Variants in ZCCHC2 observed in about 807,000 individuals in gnomAD.
ZCCHC2 encodes the protein zinc finger CCHC domain-containing protein 2.
In ZCCHC2, 39 loss-of-function variants were observed where a neutral mutation model predicts 103.6. That is an observed-to-expected ratio of 0.38 (90% CI 0.29 to 0.49). The LOEUF (loss-of-function observed/expected upper bound fraction) is 0.49. Ranked by LOEUF, ZCCHC2 falls within the 20% of genes least tolerant of loss-of-function variation. ZCCHC2 has a pLI of 0.96. For missense variants in ZCCHC2, 1,483 were observed against 1,491.0 expected (o/e 0.99, Z 0.09); for synonymous variants, 687 against 608.9 (o/e 1.13, Z -1.89).
intron 4 of ZCCHC2, 44 bp downstream of exon 4, chr18:62,544,917 A>C (rs1164764975): frequency 2.1e-6 from 3 of 1,443,426 alleles, no homozygotes; most frequent in African/African-American, 3.0e-5. Flanking sequence ...TATATAATAT[A>C]CAGAATCCAG....
rs1167824218 is a variant in ZCCHC2, at chr18:62,523,733, G to A, written c.309G>A (p.Gly103=). Residue 103 remains glycine (G), a synonymous_variant, in exon 1 of 14, where the codon GGG becomes GGA. Coordinates refer to ENST00000269499, the MANE Select transcript of ZCCHC2 (RefSeq NM_017742.6). ...AGGAGCGGGTATACGAGTGGTTCGGGCTGGTGCTGGGCTCGGCGCAGCGCC... is the reference window on the plus strand; with the variant it reads ...AGGAGCGGGTATACGAGTGGTTCGGACTGGTGCTGGGCTCGGCGCAGCGCC... ...REQERVYEWF[G]LVLGSAQRLE... 1.4e-5 allele frequency: 21 copies of A among 1,525,328 alleles called. 1 individual carries two copies. The highest frequency in any genetic ancestry group is 9.6e-5 in the South Asian group (8 of 83,250). 94.5% of individuals were successfully genotyped at this position (1,525,328 alleles called of 1,614,324 possible). A position where few individuals can be genotyped will look rare whatever the true frequency, so the allele number is the denominator to read the frequency against.
In ZCCHC2 at chr18:62,560,572, T is replaced by C. The variant is rs763744299; in HGVS notation, c.1493-15T>C. On this transcript the variant is annotated splice_polypyrimidine_tract_variant and intron_variant, in intron 7 of 13. Transcript: ENST00000269499. Reference sequence around the variant, plus strand: ...CAGCATTTAGTGTAATAAGTTACTTTTTCCTCTCTTCTAGATGTGTTGCAG... The same window carrying C: ...CAGCATTTAGTGTAATAAGTTACTTCTTCCTCTCTTCTAGATGTGTTGCAG... The C allele has an allele frequency of 1.2e-6, 2 of 1,610,636 alleles. No individual in the cohort carries two copies. The highest frequency in any genetic ancestry group is 2.2e-5 in the South Asian group (2 of 90,538).
intron 1 of ZCCHC2, among the ~76,000 whole-genome samples, chr18:62,534,306 T>C (rs1384948562): frequency 8.8e-6 from 1 of 114,222 alleles, no homozygotes; most frequent in Non-Finnish European, 1.7e-5. Flanking sequence ...AGGGAGATCC[T>C]GTCTTAAAAA....
Position 62,523,376 on chromosome 18 carries a change from G to GGGGGGGGCCCCCCC in ZCCHC2, c.-49_-48insGGGGGGGCCCCCCC. Reference sequence around the variant, plus strand: ...GCCTCGGCCCGTGCTCCACCTCGCGGCCCCTCCCGCCCGCCCCCGCTCGCA... The same window carrying GGGGGGGGCCCCCCC: ...GCCTCGGCCCGTGCTCCACCTCGCGGGGGGGGGCCCCCCCCCCCTCCCGCCCGCCCCCGCTCGCA... On this transcript the variant is annotated 5_prime_UTR_variant, in exon 1 of 14. Coordinates refer to ENST00000269499, the MANE Select transcript of ZCCHC2 (RefSeq NM_017742.6). The GGGGGGGGCCCCCCC allele has an allele frequency of 9.9e-7, 1 of 1,012,356 alleles. No homozygotes were observed. The highest frequency in any genetic ancestry group is 1.2e-6 in the Non-Finnish European group (1 of 848,992). The allele number at this position is 1,012,356 out of a possible 1,614,324, so 62.7% of individuals were successfully genotyped here.
intron 1 of ZCCHC2, among the ~76,000 whole-genome samples, chr18:62,537,542 CTTTT>C (rs1485535180): frequency 6.6e-6 from 1 of 152,126 alleles, no homozygotes; most frequent in African/African-American, 2.4e-5. Context: ...TGTATTTGTT[CTTTT>C]GTGTCTGGCT....
intron 6 of ZCCHC2, among the ~76,000 whole-genome samples, chr18:62,558,310 G>T (rs568811011): frequency 7.7e-4 from 117 of 152,278 alleles, no homozygotes; most frequent in Admixed American, 2.7e-3. Context: ...TTATTTTATT[G>T]TATTTTACAA....
At chr18:62,543,869 A>G (rs1229767519) in intron 3 of ZCCHC2, among the ~76,000 whole-genome samples, 2 of 90,480 alleles carry the variant, frequency 2.2e-5, no homozygotes, top group East Asian at 6.8e-4. Context: ...CCCTGACACA[A>G]GAGTCAGAAC....
intron 1 of ZCCHC2, 45 bp from the exon 2 acceptor site, chr18:62,539,636 T>G (rs758293994): frequency 6.7e-7 from 1 of 1,491,202 alleles, no homozygotes; most frequent in African/African-American, 1.4e-5. Flanking sequence ...ATTATTACTC[T>G]TAGTCCATGG....
intron 1 of ZCCHC2, among the ~76,000 whole-genome samples, chr18:62,535,173 C>T (rs897118876): frequency 2.0e-5 from 3 of 152,174 alleles, no homozygotes; most frequent in African/African-American, 4.8e-5. Flanking sequence ...AGGAGATGTG[C>T]GCTTCTCTAG....
chr18:62,529,323 C>G lies in ZCCHC2; in HGVS notation c.939+4960C>G, dbSNP rs1598927101. Among the ~76,000 whole-genome samples, 7 of 152,234 alleles carry G rather than the reference C, an allele frequency of 4.6e-5. No homozygotes were observed. In the South Asian group the frequency reaches 1.5e-3, roughly 32 times the overall value. ...GGCAGTGGGTGCTGACTGAGGCTTC[C>G]CTCCCGCCACTCTGGGAGTGTTAGG... On this transcript the variant is annotated intron_variant, in intron 1 of 13. Coordinates refer to ENST00000269499, the MANE Select transcript of ZCCHC2 (RefSeq NM_017742.6).
At chr18:62,568,781 A>G (rs527548238) in intron 11 of ZCCHC2, among the ~76,000 whole-genome samples, 23 of 152,202 alleles carry the variant, frequency 1.5e-4, no homozygotes, top group Non-Finnish European at 2.5e-4. Flanking sequence ...TCATTTTGTT[A>G]TATGCTGGTT....
chr18:62,549,916 G>A (rs915328964), intron 4 of ZCCHC2, among the ~76,000 whole-genome samples: 1 of 152,224 alleles, frequency 6.6e-6, no homozygotes, highest in African/African-American at 2.4e-5. Flanking sequence ...AGGCACAAAA[G>A]TGCTAAGTGC....
chr18:62,542,673 AT>A, intron 3 of ZCCHC2, 99 bp downstream of exon 3: 1 of 1,028,534 alleles, frequency 9.7e-7, no homozygotes, highest in Non-Finnish European at 1.4e-6. Flanking sequence ...AAAGGTATAT[AT>A]GTTTGTTTTT....
In ZCCHC2 at chr18:62,549,087, C is replaced by T. The variant is rs186210815; in HGVS notation, c.1201-1261C>T. Among the ~76,000 whole-genome samples, 94 of 142,702 alleles carry T rather than the reference C, an allele frequency of 6.6e-4. 1 individual carries two copies. The South Asian group carries it at 9.5e-3, about 14-fold the overall frequency. The allele number at this position is 142,702 out of a possible 152,430, so 93.6% of individuals were successfully genotyped here. On this transcript the variant is annotated intron_variant, in intron 4 of 13. Transcript: ENST00000269499. ...ACAAAAAATTAGCTGGGGGAGGGGG[C>T]GGGTGCGTGTAGTCCCAGCTACTCG... is the stretch of plus-strand genomic sequence containing the variant.
In ZCCHC2 at chr18:62,570,196, G is replaced by A; in HGVS notation, c.1940G>A (p.Arg647Lys). The change falls in exon 12 of 14, where the codon AGA becomes AAA. Residue 647 changes from arginine to lysine, a missense_variant. Around this residue, in one of 3 missense-constraint regions of ZCCHC2, gnomAD observed 884 missense variants for 907.5 expected, o/e 0.97. Transcript: ENST00000269499. The part of the protein sequence containing the change: ...SSPSSPRHDG[R>K]ESFESEEEKD... ...CCATCTAGTCCCCGACATGATGGAA[G>A]AGAAAGTTTTGAAAGTGAAGAAGAG... 1.2e-6 allele frequency: 2 copies of A among 1,611,840 alleles called. No individual in the cohort carries two copies. The highest frequency in any genetic ancestry group is 2.2e-5 in the East Asian group (1 of 44,836).
Position 62,542,543 on chromosome 18 carries a change from G to A in ZCCHC2, c.1097G>A (p.Arg366Lys). The A allele has an allele frequency of 6.4e-7, 1 of 1,565,930 alleles. No individual in the cohort carries two copies. The highest frequency in any genetic ancestry group is 8.7e-7 in the Non-Finnish European group (1 of 1,153,838). ...KIMLKGVQRK[R>K]ADKYWEYTFK... Reference sequence around the variant, plus strand: ...ATGTTGAAAGGAGTCCAGAGAAAAAGAGCTGACAAATACTGGGAGTACACT... The same window carrying A: ...ATGTTGAAAGGAGTCCAGAGAAAAAAAGCTGACAAATACTGGGAGTACACT... Residue 366 changes from arginine to lysine, a missense_variant, in exon 3 of 14, where the codon AGA becomes AAA. By Grantham distance (26) the Arg-to-Lys change is conservative. Coordinates refer to ENST00000269499, the MANE Select transcript of ZCCHC2 (RefSeq NM_017742.6).
At chr18:62,556,359 G>C in intron 6 of ZCCHC2, 62 bp downstream of exon 6, 2 of 1,264,096 alleles carry the variant, frequency 1.6e-6, no homozygotes, top group South Asian at 1.4e-5. Context: ...TTGCTTTACT[G>C]TGTCATTTTG....
intron 6 of ZCCHC2, 141 bp from the exon 7 acceptor site, chr18:62,558,546 A>T (rs1915985918): frequency 2.0e-6 from 1 of 509,308 alleles, no homozygotes; most frequent in Non-Finnish European, 3.5e-6. Context: ...GGGCTGTGTC[A>T]TCTTGCCTTC....
At chr18:62,546,940 A>G (rs1051636031) in intron 4 of ZCCHC2, among the ~76,000 whole-genome samples, 26 of 152,168 alleles carry the variant, frequency 1.7e-4, no homozygotes, top group African/African-American at 6.3e-4. Context: ...TGCAACGTGT[A>G]CTTCTGGAAA....
Sources: gnomAD v4.1 joint callset for allele counts (sites outside exome capture counted in the v4.1 genomes callset) on GRCh38, gnomAD v4.1.1 for gene constraint, gnomAD v4.1.1 regional missense constraint, MANE v1.5 for transcripts, NCBI Gene and HGNC (gene_info 2026-07-23, HGNC 2026-07-21) for gene names.